Variants in P3H2 observed in about 807,000 individuals in gnomAD.
P3H2 encodes leprecan-like 1.
In P3H2, 80 loss-of-function variants were observed where a neutral mutation model predicts 87.0. That is an observed-to-expected ratio of 0.92 (90% CI 0.77 to 1.11). The LOEUF (loss-of-function observed/expected upper bound fraction) is 1.11, where lower values mean the gene tolerates loss of function less well. Ranked by LOEUF, P3H2 falls within the 50% of genes least tolerant of loss-of-function variation. The pLI, the probability that P3H2 is intolerant of heterozygous loss-of-function variation, is 0.00. For synonymous variants in P3H2, 367 were observed against 359.3 expected (o/e 1.02, Z -0.24); for missense variants, 1,001 against 923.9 (o/e 1.08, Z -1.08).
chr3:189,989,589 C>CT (rs530739983), intron 3 of P3H2, among the ~76,000 whole-genome samples: 25 of 151,646 alleles, frequency 1.6e-4, no homozygotes, highest in Admixed American at 3.9e-4. Flanking sequence ...AATAAAAACT[C>CT]TTTTTTTTTA....
At chr3:190,115,041 T>C (rs1032068051) in intron 1 of P3H2, among the ~76,000 whole-genome samples, 6 of 152,200 alleles carry the variant, frequency 3.9e-5, no homozygotes, top group Admixed American at 3.9e-4. Flanking sequence ...TCCTAGAGTT[T>C]ACTTTGTTTT....
At chr3:190,109,124 G>C (rs930535187) in intron 1 of P3H2, among the ~76,000 whole-genome samples, 5 of 152,192 alleles carry the variant, frequency 3.3e-5, no homozygotes, top group Non-Finnish European at 7.3e-5. Context: ...ACAGATATCA[G>C]AGTGGGAAAC....
In P3H2 at chr3:190,118,838, A is replaced by C. The variant is rs369468537; in HGVS notation, c.480+1414T>G. On this transcript the variant is annotated intron_variant, in intron 1 of 14. Coordinates refer to ENST00000319332, the MANE Select transcript of P3H2 (RefSeq NM_018192.4). ...TGGTCCAGCCGTGCTCACGCCTATA[A>C]TCCCAGCACTTTTGGAGGCGGAGAC... Among the ~76,000 whole-genome samples, 14 of 150,912 alleles carry C rather than the reference A, an allele frequency of 9.3e-5. No homozygotes were observed. The East Asian group carries it at 2.4e-3, about 26-fold the overall frequency.
intron 1 of P3H2, among the ~76,000 whole-genome samples, chr3:190,048,515 A>G (rs1725876463): frequency 6.6e-6 from 1 of 152,246 alleles, no homozygotes; most frequent in African/African-American, 2.4e-5. Flanking sequence ...TGAAAATAAT[A>G]TAACTACCAT....
intron 8 of P3H2, among the ~76,000 whole-genome samples, chr3:189,975,118 G>A (rs982068744): frequency 6.6e-6 from 1 of 152,130 alleles, no homozygotes; most frequent in Non-Finnish European, 1.5e-5. Context: ...GGTGTCTAGA[G>A]TAACACCTTC....
chr3:190,034,380 C>T (rs911852204), intron 1 of P3H2, among the ~76,000 whole-genome samples: 7 of 152,184 alleles, frequency 4.6e-5, no homozygotes, highest in Non-Finnish European at 1.0e-4. Flanking sequence ...ATTTGTCTCA[C>T]TATTTGGACA....
chr3:190,035,502 T>C (rs1719616), intron 1 of P3H2, among the ~76,000 whole-genome samples: 85,082 of 152,068 alleles, frequency 0.56, 26,455 homozygotes, highest in Admixed American at 0.7. Context: ...CCTTCATTTT[T>C]TTTTCTCTTG....
chr3:190,029,584 T>C (rs1008533374), intron 1 of P3H2, among the ~76,000 whole-genome samples: 13 of 152,110 alleles, frequency 8.5e-5, no homozygotes, highest in African/African-American at 2.9e-4. Context: ...AATAATTAAA[T>C]ATTAAAGCAA....
In P3H2 at chr3:190,078,097, C is replaced by T. The variant is rs111691534; in HGVS notation, c.480+42155G>A. On this transcript the variant is annotated intron_variant, in intron 1 of 14. Coordinates refer to ENST00000319332, the MANE Select transcript of P3H2 (RefSeq NM_018192.4). ...ATGGGTAGCGACTCCAAATCCTCTCCATCCCCTTTCTCAAGGGCTAATGGA... is the reference window on the plus strand; with the variant it reads ...ATGGGTAGCGACTCCAAATCCTCTCTATCCCCTTTCTCAAGGGCTAATGGA... Among the ~76,000 whole-genome samples the T allele has an allele frequency of 6.3e-3, 957 of 152,302 alleles. 13 individuals carry two copies. The highest frequency in any genetic ancestry group is 0.022 in the African/African-American group (901 of 41,570).
At chr3:190,057,817 CAT>C (rs2108964969) in intron 1 of P3H2, among the ~76,000 whole-genome samples, 1 of 152,224 alleles carries the variant, frequency 6.6e-6, no homozygotes, top group African/African-American at 2.4e-5. Flanking sequence ...GAATAGGTAA[CAT>C]ATTCAGCAGT....
intron 1 of P3H2, among the ~76,000 whole-genome samples, chr3:190,104,703 C>T (rs1711764763): frequency 6.6e-6 from 1 of 152,140 alleles, no homozygotes; most frequent in Admixed American, 6.6e-5. Context: ...GCACGGATGT[C>T]CTGATCAGTT....
chr3:190,000,816 A>T (rs1217277166), intron 1 of P3H2, among the ~76,000 whole-genome samples: 1 of 152,210 alleles, frequency 6.6e-6, no homozygotes, highest in Non-Finnish European at 1.5e-5. Context: ...TTTAAATGTC[A>T]TTCTAAGTGC....
intron 12 of P3H2, chr3:189,971,591 C>A: frequency 2.6e-6 from 1 of 379,120 alleles, no homozygotes; most frequent in Non-Finnish European, 5.0e-6. Context: ...ATACATATAC[C>A]ACAAGGAATA....
Position 190,020,735 on chromosome 3 carries a change from AC to A in P3H2, c.481-25294del, listed in dbSNP as rs1214155489. On this transcript the variant is annotated intron_variant, in intron 1 of 14. Coordinates refer to ENST00000319332, the MANE Select transcript of P3H2 (RefSeq NM_018192.4). ...TGCATGGTCTGGCTGGGCGGCTGCT[AC>A]CCACACGTTGATTACTTTAAGCCTG... Among the ~76,000 whole-genome samples, 3 of 133,636 alleles carry A rather than the reference AC, an allele frequency of 2.2e-5. 1 individual carries two copies. Among genetic ancestry groups the A allele is most frequent in the Non-Finnish European group, 5.0e-5 (3 of 60,082 alleles). The allele number at this position is 133,636 out of a possible 152,430, so 87.7% of individuals were successfully genotyped here. A position where few individuals can be genotyped will look rare whatever the true frequency, so the allele number is the denominator to read the frequency against.
intron 1 of P3H2, among the ~76,000 whole-genome samples, chr3:190,001,310 T>C (rs1241381470): frequency 2.6e-5 from 4 of 152,230 alleles, no homozygotes; most frequent in African/African-American, 9.6e-5. Flanking sequence ...TATGTACTTC[T>C]CAAATAGAAT....
chr3:190,072,684 A>T (rs1202661646), intron 1 of P3H2, among the ~76,000 whole-genome samples: 1 of 143,974 alleles, frequency 6.9e-6, no homozygotes, highest in African/African-American at 2.7e-5. Context: ...GTTATACTAC[A>T]GCTATTCAAA....
In P3H2 at chr3:190,100,261, C is replaced by CA. The variant is rs1283469136; in HGVS notation, c.480+19990dup. On this transcript the variant is annotated intron_variant, in intron 1 of 14. Transcript: ENST00000319332. ...CCGCCCCCCCCGCCGCCCCCCCCCCCAAAAAAAACACTTCTATGATTGCAT... is the reference window on the plus strand; with the variant it reads ...CCGCCCCCCCCGCCGCCCCCCCCCCCAAAAAAAAACACTTCTATGATTGCAT... Among the ~76,000 whole-genome samples the CA allele has an allele frequency of 4.2e-3, 555 of 130,972 alleles. 9 individuals are homozygous for CA. The highest frequency in any genetic ancestry group is 0.015 in the African/African-American group (461 of 31,700). 85.9% of individuals were successfully genotyped at this position (130,972 alleles called of 152,430 possible). A position where few individuals can be genotyped will look rare whatever the true frequency, so the allele number is the denominator to read the frequency against.
At chr3:190,096,489 G>T (rs990026487) in intron 1 of P3H2, among the ~76,000 whole-genome samples, 1 of 152,044 alleles carries the variant, frequency 6.6e-6, no homozygotes, top group African/African-American at 2.4e-5. Context: ...CACGCTTCCT[G>T]TGGAATTGTG....
chr3:190,107,321 G>C (rs1358349553), intron 1 of P3H2, among the ~76,000 whole-genome samples: 2 of 152,178 alleles, frequency 1.3e-5, no homozygotes, highest in Non-Finnish European at 2.9e-5. Context: ...AAAATAGGGA[G>C]ATTCTTTGAC....
Sources: gnomAD v4.1 joint callset for allele counts (sites outside exome capture counted in the v4.1 genomes callset) on GRCh38, gnomAD v4.1.1 for gene constraint, MANE v1.5 for transcripts, NCBI Gene and HGNC (gene_info 2026-07-23, HGNC 2026-07-21) for gene names.